The following ADGRG1 variants were observed in gnomAD, a reference collection of about 807,000 sequenced individuals.
ADGRG1 encodes adhesion G protein-coupled receptor G1.
Under a neutral mutation model 73.5 loss-of-function variants are expected in ADGRG1, and 53 were observed. The ratio of observed to expected loss-of-function variants is 0.72; its 90% CI spans 0.58 to 0.91. The LOEUF (loss-of-function observed/expected upper bound fraction) is 0.91. Among genes scored for constraint, ADGRG1 ranks in the 40% least tolerant of loss-of-function variants. The probability of loss-of-function intolerance (pLI) is 0.00; values close to 1 mark genes in which losing one functional copy is unlikely to be tolerated. For missense variants in ADGRG1, 795 were observed against 871.8 expected (o/e 0.91, Z 1.11); for synonymous variants, 394 against 374.4 (o/e 1.05, Z -0.60).
Position 57,654,946 on chromosome 16 carries a change from C to T in ADGRG1, c.769-453C>T, listed in dbSNP as rs533924029. 3.3e-5 allele frequency: 16 copies of T among 479,198 alleles called. No individual in the cohort carries two copies. In the South Asian group the frequency reaches 8.6e-4, roughly 26 times the overall value. 29.7% of individuals were successfully genotyped at this position (479,198 alleles called of 1,614,324 possible). On this transcript the variant is annotated intron_variant, in intron 5 of 13. Coordinates refer to ENST00000562631, the MANE Select transcript of ADGRG1 (RefSeq NM_201525.4). ...CGTTGTCCAGGTTGGTCTTGACCTC[C>T]GGGGTTCAAGCAGTCCTCTCGCCCT...
At chr16:57,625,209 C>T (rs557220997), upstream of ADGRG1, among the ~76,000 whole-genome samples, 18 of 152,278 alleles carry the variant, frequency 1.2e-4, no homozygotes, top group African/African-American at 3.8e-4. Context: ...CCTGGCGACC[C>T]CAGTCCCTCA....
Position 57,664,027 on chromosome 16 carries a change from A to G in ADGRG1, c.*445A>G. ...CGTGGTCACCCTGAGGGCACTCTGCATCCTCTGTCATTTTAACCTCAGGTG... is the reference window on the plus strand; with the variant it reads ...CGTGGTCACCCTGAGGGCACTCTGCGTCCTCTGTCATTTTAACCTCAGGTG... On this transcript the variant is annotated 3_prime_UTR_variant, in exon 14 of 14. Transcript: ENST00000562631. The G allele has an allele frequency of 4.9e-6, 1 of 205,448 alleles. No homozygotes were observed. The highest frequency in any genetic ancestry group is 1.0e-5 in the Non-Finnish European group (1 of 100,048). 12.7% of individuals were successfully genotyped at this position (205,448 alleles called of 1,614,324 possible). A position where few individuals can be genotyped will look rare whatever the true frequency, so the allele number is the denominator to read the frequency against.
upstream of ADGRG1, chr16:57,623,889 A>C: frequency 2.2e-6 from 2 of 903,388 alleles, no homozygotes; most frequent in Non-Finnish European, 2.6e-6. Context: ...GTCTGAGATC[A>C]GGTCCTGACT....
In ADGRG1 at chr16:57,659,385, G is replaced by C. The variant is rs60624815; in HGVS notation, c.1287-28G>C. On this transcript the variant is annotated intron_variant, in intron 10 of 13. Coordinates refer to ENST00000562631, the MANE Select transcript of ADGRG1 (RefSeq NM_201525.4). ...ACTCCCCTCTCTACCTTCCCACACT[G>C]GCCCACCAGGGTGCCCCTGCCGTGC... The C allele has an allele frequency of 2.6e-4, 425 of 1,613,070 alleles. 1 individual carries two copies. The African/African-American group carries it at 5.0e-3, about 19-fold the overall frequency.
intron 1 of ADGRG1, chr16:57,643,497 G>C: frequency 1.1e-6 from 1 of 880,420 alleles, no homozygotes; most frequent in Non-Finnish European, 1.4e-6. Flanking sequence ...AGAGGGTGTT[G>C]TGGCTCAAGC....
chr16:57,643,909 T>C (rs1307540667), intron 1 of ADGRG1: 1 of 487,416 alleles, frequency 2.1e-6, no homozygotes, highest in Non-Finnish European at 2.4e-6. Context: ...GGGACTGGGC[T>C]GGGGGTGGGG....
rs1429135818 is a variant in ADGRG1 at position 57,652,624 on chromosome 16, T to G, written c.488-579T>G. The G allele has an allele frequency of 6.1e-6, 6 of 984,948 alleles. No individual in the cohort carries two copies. The African/African-American group carries it at 8.7e-5, about 14-fold the overall frequency. 61.0% of individuals were successfully genotyped at this position (984,948 alleles called of 1,614,324 possible). On this transcript the variant is annotated intron_variant, in intron 3 of 13. Coordinates refer to ENST00000562631, the MANE Select transcript of ADGRG1 (RefSeq NM_201525.4). ...CATGGACCAGGGATTTCAAATCACCTAAAACCCAGGCTTTCTCGGTTATGC... is the reference window on the plus strand; with the variant it reads ...CATGGACCAGGGATTTCAAATCACCGAAAACCCAGGCTTTCTCGGTTATGC...
intron 1 of ADGRG1, among the ~76,000 whole-genome samples, chr16:57,644,445 T>G (rs2041774538): frequency 1.4e-5 from 2 of 138,742 alleles, no homozygotes; most frequent in African/African-American, 5.5e-5. Context: ...CACACATTCA[T>G]GCACATGCAC....
chr16:57,654,269 A>G, intron 5 of ADGRG1, 136 bp downstream of exon 5: 4 of 833,042 alleles, frequency 4.8e-6, no homozygotes, highest in Admixed American at 2.5e-5. Flanking sequence ...TCCAGGCCCG[A>G]GGATAGCCAT....
chr16:57,631,323 C>T (rs550535550), intron 1 of ADGRG1: 86 of 985,690 alleles, frequency 8.7e-5, no homozygotes, highest in South Asian at 1.4e-4. Flanking sequence ...GTCCTCCAGC[C>T]GGACTGGGAT....
Position 57,659,700 on chromosome 16 carries a change from G to A in ADGRG1, c.1555+19G>A, listed in dbSNP as rs1382898277. On this transcript the variant is annotated intron_variant, in intron 11 of 13. Transcript: ENST00000562631. ...GGCTGGGGTAAGTGGTTGGGCGGGG[G>A]GTGCCTCAGACCTGCCTCTCCCACT... is the stretch of plus-strand genomic sequence containing the variant. 2 of 1,613,006 alleles carry A rather than the reference G, an allele frequency of 1.2e-6. No individual in the cohort carries two copies. The highest frequency in any genetic ancestry group is 2.2e-5 in the East Asian group (1 of 44,866).
chr16:57,645,343 G>A (rs2042335050), intron 1 of ADGRG1: 3 of 984,876 alleles, frequency 3.0e-6, no homozygotes, highest in Non-Finnish European at 3.6e-6. Flanking sequence ...GGGCTCCCTC[G>A]TTCCTCCCTC....
At chr16:57,660,145 C>T (rs1029258175) in intron 11 of ADGRG1, 1 of 473,850 alleles carries the variant, frequency 2.1e-6, no homozygotes, top group African/African-American at 2.1e-5. Flanking sequence ...TGTGGCCAGC[C>T]CTCTTATGTC....
rs568956370 is a variant in ADGRG1 at position 57,661,693 on chromosome 16, G to T, written c.1665-4G>T. 6.2e-7 allele frequency: 1 copy of T among 1,612,576 alleles called. No homozygotes were observed. On this transcript the variant is annotated splice_region_variant and splice_polypyrimidine_tract_variant and intron_variant, in intron 12 of 13. Coordinates refer to ENST00000562631, the MANE Select transcript of ADGRG1 (RefSeq NM_201525.4). ...ACGCTGAGCCCTCCTGCCTTTGCCC[G>T]CAGGTGCTGGATCCGGGACTCCCTG...
chr16:57,641,577 T>C, intron 1 of ADGRG1: 1 of 984,202 alleles, frequency 1.0e-6, no homozygotes, highest in Non-Finnish European at 1.2e-6. Context: ...TTTTTTTTTT[T>C]TTTTTTGAGA....
rs565233901 is a variant in ADGRG1, at chr16:57,644,220, G to A, written c.-35-6033G>A. On this transcript the variant is annotated intron_variant, in intron 1 of 13. Coordinates refer to ENST00000562631, the MANE Select transcript of ADGRG1 (RefSeq NM_201525.4). ...CATCCCTGTGTATGCACGGGCACAC[G>A]CACTCATGCACACACACTCATGCAC... 3.3e-5 allele frequency: 32 copies of A among 977,288 alleles called. No individual in the cohort carries two copies. In the African/African-American group the frequency reaches 4.6e-4, roughly 14 times the overall value. The allele number at this position is 977,288 out of a possible 1,614,324, so 60.5% of individuals were successfully genotyped here.
chr16:57,653,546 C>G, intron 4 of ADGRG1: 1 of 985,368 alleles, frequency 1.0e-6, no homozygotes, highest in Non-Finnish European at 1.2e-6. Context: ...TCACATCCAC[C>G]ATCCCAAGCC....
chr16:57,626,358 G>A (rs978070096), upstream of ADGRG1, among the ~76,000 whole-genome samples: 1 of 152,210 alleles, frequency 6.6e-6, no homozygotes, highest in Non-Finnish European at 1.5e-5. Flanking sequence ...AGATAGTGTT[G>A]TGTTTAACAA....
chr16:57,646,876 C>T (rs1395682958), intron 1 of ADGRG1: 19 of 958,750 alleles, frequency 2.0e-5, no homozygotes, highest in Non-Finnish European at 2.4e-5. Flanking sequence ...TGCTAGAATG[C>T]CCCCTGCTCA....
Sources: gnomAD v4.1 joint callset for allele counts (sites outside exome capture counted in the v4.1 genomes callset) on GRCh38, gnomAD v4.1.1 for gene constraint, MANE v1.5 for transcripts, NCBI Gene and HGNC (gene_info 2026-07-23, HGNC 2026-07-21) for gene names.